TRIP12: variants seen among roughly 807,000 people sequenced by gnomAD.
TRIP12 encodes the protein thyroid hormone receptor interactor 12, also known as E3 ubiquitin-protein ligase TRIP12.
TRIP12 carries 25 observed loss-of-function variants against 244.2 expected under a neutral mutation model. That is an observed-to-expected ratio of 0.10 (90% CI 0.07 to 0.14). The LOEUF (loss-of-function observed/expected upper bound fraction) is 0.14. Ranked by LOEUF, TRIP12 falls within the 10% of genes least tolerant of loss-of-function variation. The pLI is 1.00. For synonymous variants in TRIP12, 905 were observed against 873.1 expected, an observed-to-expected ratio of 1.04 and a Z score of -0.64; for missense variants, 1,677 against 2,486.4, an observed-to-expected ratio of 0.67 and a Z score of 6.92.
chr2:229,817,283 A>C (rs1258880287), intron 9 of TRIP12, among the ~76,000 whole-genome samples: 2 of 152,236 alleles, frequency 1.3e-5, no homozygotes, highest in African/African-American at 4.8e-5. Flanking sequence ...TGTAATTTCC[A>C]AAATAAAACA....
Position 229,805,561 on chromosome 2 carries a change from T to C in TRIP12, c.2650+169A>G, listed in dbSNP as rs1408681949. On this transcript the variant is annotated intron_variant, in intron 18 of 41. Coordinates refer to ENST00000675903, the MANE Select transcript of TRIP12 (RefSeq NM_001348323.3). ...TTGTGGAAAAGATACCAGTTAATAC[T>C]GGCTCACTCATCCATTAATGGACAT... is the stretch of plus-strand genomic sequence containing the variant. 2.0e-5 allele frequency among the ~76,000 whole-genome samples: 3 copies of C among 152,194 alleles called. No individual in the cohort carries two copies. In the South Asian group the frequency reaches 6.2e-4, roughly 32 times the overall value.
chr2:229,834,784 AC>A (rs1428607190), intron 6 of TRIP12, among the ~76,000 whole-genome samples: 1 of 152,102 alleles, frequency 6.6e-6, no homozygotes, highest in Non-Finnish European at 1.5e-5. Context: ...AAAAGAATGC[AC>A]AGGAGTCTGC....
intron 1 of TRIP12, among the ~76,000 whole-genome samples, chr2:229,918,718 TG>T (rs1435775459): frequency 6.6e-6 from 1 of 152,246 alleles, no homozygotes; most frequent in African/African-American, 2.4e-5. Context: ...TTTCAAATTA[TG>T]AAGTTCTATA....
At chr2:229,789,031 A>G in intron 31 of TRIP12, 91 bp from the exon 32 acceptor site, 1 of 1,202,310 alleles carries the variant, frequency 8.3e-7, no homozygotes, top group Non-Finnish European at 1.2e-6. Flanking sequence ...AGTCCATGCA[A>G]AGTACCCTGA....
chr2:229,804,991 C>T (rs1290387318), intron 18 of TRIP12, among the ~76,000 whole-genome samples: 1 of 152,118 alleles, frequency 6.6e-6, no homozygotes, highest in Non-Finnish European at 1.5e-5. Context: ...CTGCAAGCTC[C>T]GCTTCCCGGG....
chr2:229,791,839 A>G, intron 29 of TRIP12, 27 bp downstream of exon 29: 2 of 1,605,386 alleles, frequency 1.2e-6, no homozygotes, highest in Non-Finnish European at 1.7e-6. Context: ...TTTATGAAAA[A>G]ACAAAAGAAA....
intron 1 of TRIP12, among the ~76,000 whole-genome samples, chr2:229,903,036 T>TG (rs2071526595): frequency 2.7e-5 from 4 of 148,648 alleles, no homozygotes; most frequent in African/African-American, 9.9e-5. Context: ...TTTTTTTTTT[T>TG]GCCAGAAGTA....
Position 229,793,050 on chromosome 2 carries a change from T to C in TRIP12, c.4064A>G (p.Lys1355Arg). Residue 1355 changes from lysine to arginine, a missense_variant, in exon 27 of 42, where the codon AAG (lysine) becomes AGG (arginine). By Grantham distance (26) the Lys-to-Arg change is conservative. Around this residue, in one of 11 missense-constraint regions of TRIP12, gnomAD observed 265 missense variants for 370.8 expected, o/e 0.71. Coordinates refer to ENST00000675903, the MANE Select transcript of TRIP12 (RefSeq NM_001348323.3). ...CTTGACAGGTCCACCCTTCCACTGC[T>C]TCACATTTGCACAGTCTGGATGCCT... is the stretch of plus-strand genomic sequence containing the variant. ...LQRHPDCANV[K>R]QWKGGPVKID... The C allele has an allele frequency of 6.2e-7, 1 of 1,614,054 alleles. No individual in the cohort carries two copies. The highest frequency in any genetic ancestry group is 8.5e-7 in the Non-Finnish European group (1 of 1,179,956).
In TRIP12 at chr2:229,840,610, G is replaced by A. The variant is rs531783102; in HGVS notation, c.1133+212C>T. ...CCAGCTACTAGGGAGGCTAAGGCAG[G>A]AGAACCACCTGAACCCGGGAGGCGC... is the stretch of plus-strand genomic sequence containing the variant. On this transcript the variant is annotated intron_variant, in intron 5 of 41. Coordinates refer to ENST00000675903, the MANE Select transcript of TRIP12 (RefSeq NM_001348323.3). Among the ~76,000 whole-genome samples, 11 of 152,154 alleles carry A rather than the reference G, an allele frequency of 7.2e-5. No individual in the cohort carries two copies. The East Asian group carries it at 2.1e-3, about 29-fold the overall frequency.
chr2:229,814,015 C>T lies in TRIP12; in HGVS notation c.1841G>A (p.Cys614Tyr). 1 of 1,579,728 alleles carries T rather than the reference C, an allele frequency of 6.3e-7. No homozygotes were observed. Among genetic ancestry groups the T allele is most frequent in the South Asian group, 1.1e-5 (1 of 88,154 alleles). ...AILQAGGLAD[C>Y]LLYLEFFSIN... ...GCTGAAGAATTCTAGGTACAGCAAG[C>T]AGTCTGCCAAACCACCCTAAAATAT... The change falls in exon 13 of 42, where the codon TGC becomes TAC. Residue 614 changes from cysteine to tyrosine, a missense_variant. Transcript: ENST00000675903.
chr2:229,802,410 T>C lies in TRIP12; in HGVS notation c.3048A>G (p.Thr1016=). Residue 1016 remains threonine, a synonymous_variant, in exon 21 of 42, where the codon ACA becomes ACG. Transcript: ENST00000675903. ...CATTCGTACATGCCTTTGGTGGACTTGTCAACAAAGACTCTGATTCTGCTA... is the reference window on the plus strand; with the variant it reads ...CATTCGTACATGCCTTTGGTGGACTCGTCAACAAAGACTCTGATTCTGCTA... ...KHLAESESLL[T]SPPKACTNGS... 6.2e-7 allele frequency: 1 copy of C among 1,614,084 alleles called. No individual in the cohort carries two copies. Among genetic ancestry groups the C allele is most frequent in the African/African-American group, 1.3e-5 (1 of 75,054 alleles).
intron 1 of TRIP12, among the ~76,000 whole-genome samples, chr2:229,895,136 G>A (rs1284913880): frequency 6.6e-6 from 1 of 151,842 alleles, no homozygotes; most frequent in Non-Finnish European, 1.5e-5. Context: ...GGACAAACAT[G>A]AGAAAGATAA....
intron 1 of TRIP12, among the ~76,000 whole-genome samples, chr2:229,887,140 G>T (rs1156444148): frequency 6.6e-6 from 1 of 152,194 alleles, no homozygotes; most frequent in African/African-American, 2.4e-5. Context: ...GGATTATGGG[G>T]GATAGAAAGA....
At chr2:229,769,895 C>T (rs937405961) in intron 39 of TRIP12, among the ~76,000 whole-genome samples, 1 of 152,172 alleles carries the variant, frequency 6.6e-6, no homozygotes. Flanking sequence ...GCAATAAATG[C>T]TTTCATGTCC....
chr2:229,860,563 C>T, intron 2 of TRIP12, 32 bp from the exon 3 acceptor site: 1 of 1,567,912 alleles, frequency 6.4e-7, no homozygotes, highest in Non-Finnish European at 8.6e-7. Context: ...AGAAATCTAT[C>T]AGGAAACTGA....
chr2:229,844,156 G>C (rs921005028), intron 4 of TRIP12, among the ~76,000 whole-genome samples: 2 of 152,192 alleles, frequency 1.3e-5, no homozygotes, highest in Non-Finnish European at 2.9e-5. Context: ...TTACTCTTAT[G>C]TAAGAATAGT....
chr2:229,907,243 C>A (rs1009393022), intron 1 of TRIP12, among the ~76,000 whole-genome samples: 1 of 152,178 alleles, frequency 6.6e-6, no homozygotes, highest in African/African-American at 2.4e-5. Context: ...GGGAACCAGG[C>A]ACTGTGCTAG....
chr2:229,787,775 TA>T (rs2040450171), intron 32 of TRIP12, 114 bp from the exon 33 acceptor site: 1 of 993,486 alleles, frequency 1.0e-6, no homozygotes, highest in Non-Finnish European at 1.4e-6. Context: ...AAATTGTAAA[TA>T]AAATCAGTAA....
intron 38 of TRIP12, 86 bp from the exon 39 acceptor site, chr2:229,771,718 C>T: frequency 1.1e-6 from 1 of 898,422 alleles, no homozygotes; most frequent in Non-Finnish European, 1.8e-6. Flanking sequence ...GTGAAACACC[C>T]TTCTGGATCA....
Sources: gnomAD v4.1 joint callset for allele counts (sites outside exome capture counted in the v4.1 genomes callset) on GRCh38, gnomAD v4.1.1 for gene constraint, gnomAD v4.1.1 regional missense constraint, MANE v1.5 for transcripts, NCBI Gene and HGNC (gene_info 2026-07-23, HGNC 2026-07-21) for gene names.